NAV3: variants seen among roughly 807,000 people sequenced by gnomAD.
The protein encoded by NAV3 is pore membrane and/or filament interacting like protein 1.
A neutral mutation model predicts 244.7 loss-of-function variants in NAV3; 87 were observed. The observed-to-expected ratio is 0.36, with a 90% CI of 0.30 to 0.42. The LOEUF (loss-of-function observed/expected upper bound fraction) is 0.42. Among genes scored for constraint, NAV3 ranks in the 20% least tolerant of loss-of-function variants. NAV3 has a pLI of 1.00. For synonymous variants in NAV3, 1,126 were observed against 1,042.2 expected (o/e 1.08, Z -1.55); for missense variants, 2,663 against 2,893.3 (o/e 0.92, Z 1.83).
intron 2 of NAV3, among the ~76,000 whole-genome samples, chr12:77,662,414 A>G (rs1873502997): frequency 6.6e-6 from 1 of 152,046 alleles, no homozygotes; most frequent in African/African-American, 2.4e-5. Context: ...GATTATTCAA[A>G]GTATATAGAA....
At chr12:77,808,252 A>G (rs932625833) in intron 2 of NAV3, among the ~76,000 whole-genome samples, 26 of 152,072 alleles carry the variant, frequency 1.7e-4, no homozygotes, top group African/African-American at 5.8e-4. Flanking sequence ...GAGGAGAAGA[A>G]GCGTTCTGGT....
chr12:77,699,155 T>A (rs2137194770), intron 2 of NAV3, among the ~76,000 whole-genome samples: 1 of 152,234 alleles, frequency 6.6e-6, no homozygotes, highest in East Asian at 1.9e-4. Flanking sequence ...CCTAAGAATC[T>A]TGCAGGACAT....
chr12:77,755,451 T>C (rs1042605487), intron 2 of NAV3, among the ~76,000 whole-genome samples: 1 of 151,924 alleles, frequency 6.6e-6, no homozygotes, highest in African/African-American at 2.4e-5. Flanking sequence ...TTTCTTTTCT[T>C]TTCTTTTTTC....
intron 2 of NAV3, among the ~76,000 whole-genome samples, chr12:77,715,625 G>A (rs1876324846): frequency 6.6e-6 from 1 of 151,912 alleles, no homozygotes; most frequent in Non-Finnish European, 1.5e-5. Flanking sequence ...ACTGTTTTTA[G>A]ATATATTAAA....
intron 18 of NAV3, among the ~76,000 whole-genome samples, chr12:78,132,414 A>T (rs1956203799): frequency 6.6e-6 from 1 of 152,086 alleles, no homozygotes; most frequent in Non-Finnish European, 1.5e-5. Flanking sequence ...TATATCAGAG[A>T]TCTCTCAGCT....
intron 5 of NAV3, among the ~76,000 whole-genome samples, chr12:77,978,086 T>C (rs1327626292): frequency 6.6e-6 from 1 of 152,192 alleles, no homozygotes; most frequent in Non-Finnish European, 1.5e-5. Context: ...TCAGTTAAAC[T>C]TGATTTTCTA....
chr12:78,148,469 AAT>A (rs1351115385), intron 21 of NAV3, among the ~76,000 whole-genome samples: 5 of 152,118 alleles, frequency 3.3e-5, no homozygotes, highest in Non-Finnish European at 7.4e-5. Flanking sequence ...GAACAAGAAA[AAT>A]ATGTGTGTAT....
chr12:77,934,406 TAA>T (rs879692691), intron 1 of NAV3, among the ~76,000 whole-genome samples: 2 of 150,522 alleles, frequency 1.3e-5, no homozygotes, highest in Non-Finnish European at 3.0e-5. Flanking sequence ...TGGGAAATTA[TAA>T]AAAAAAAGTA....
intron 2 of NAV3, among the ~76,000 whole-genome samples, chr12:77,753,606 A>C (rs2135808123): frequency 6.6e-6 from 1 of 152,326 alleles, no homozygotes; most frequent in South Asian, 2.1e-4. Flanking sequence ...TGATAGCATT[A>C]AAAATGAGGT....
intron 2 of NAV3, among the ~76,000 whole-genome samples, chr12:77,691,327 G>GTATATATATATA (rs1565774001): frequency 1.6e-3 from 16 of 10,076 alleles, no homozygotes; most frequent in East Asian, 0.021. Flanking sequence ...ATAAGTATTT[G>GTATATATATATA]TGTATGTGTG....
intron 39 of NAV3, 144 bp from the exon 40 acceptor site, chr12:78,210,254 C>A (rs1238455950): frequency 6.3e-6 from 8 of 1,270,916 alleles, no homozygotes; most frequent in Non-Finnish European, 8.7e-6. Flanking sequence ...GAGCCAGGGG[C>A]AACGAGTAAA....
intron 19 of NAV3, 39 bp from the exon 20 acceptor site, chr12:78,140,243 T>G (rs977062990): frequency 1.3e-6 from 2 of 1,582,762 alleles, no homozygotes; most frequent in African/African-American, 1.3e-5. Flanking sequence ...TGAGTAGACC[T>G]TATTGTTTTA....
At chr12:77,987,581 G>T (rs1332884423) in intron 5 of NAV3, among the ~76,000 whole-genome samples, 4 of 152,022 alleles carry the variant, frequency 2.6e-5, no homozygotes. Context: ...ATTTGAAAAT[G>T]CCACCCAGTA....
chr12:77,741,146 G>GAAAAAAAAAAAAAAAAAAAAAAAAAA (rs1393220189), intron 2 of NAV3, among the ~76,000 whole-genome samples: 1 of 7,366 alleles, frequency 1.4e-4, no homozygotes, highest in African/African-American at 4.4e-4. Flanking sequence ...AAAAAAAAAA[G>GAAAAAAAAAAAAAAAAAAAAAAAAAA]ACAAAAAAAA....
intron 2 of NAV3, among the ~76,000 whole-genome samples, chr12:77,771,156 T>A (rs903795168): frequency 5.3e-5 from 8 of 151,992 alleles, no homozygotes; most frequent in East Asian, 3.9e-4. Context: ...AAAAAACACA[T>A]GAAAAAATGC....
intron 2 of NAV3, among the ~76,000 whole-genome samples, chr12:77,617,856 C>T (rs1871202012): frequency 6.6e-6 from 1 of 152,170 alleles, no homozygotes; most frequent in African/African-American, 2.4e-5. Context: ...GAAATAATAT[C>T]TCAAATGGAA....
At chr12:78,141,621 A>G (rs1048640714) in intron 20 of NAV3, among the ~76,000 whole-genome samples, 1 of 152,182 alleles carries the variant, frequency 6.6e-6, no homozygotes, top group African/African-American at 2.4e-5. Context: ...TCTGACTGTT[A>G]TTGGCAGAGG....
At chr12:77,845,133 G>A (rs889999522) in intron 1 of NAV3, among the ~76,000 whole-genome samples, 1 of 151,378 alleles carries the variant, frequency 6.6e-6, no homozygotes, top group African/African-American at 2.4e-5. Context: ...GTATATGTGT[G>A]TATATATATA....
Position 78,190,170 on chromosome 12 carries a change from A to C in NAV3, c.6242A>C (p.Lys2081Thr), listed in dbSNP as rs754734026. Residue 2081 changes from lysine (K) to threonine (T), a missense_variant, in exon 34 of 40, where the codon AAA becomes ACA. Physicochemically the swap from Lys to Thr is moderately conservative, Grantham distance 78. Coordinates refer to ENST00000397909, the MANE Select transcript of NAV3 (RefSeq NM_001024383.2). ...GTAATAACCAAATCTGGAAGGAAAA[A>C]AACAGAGGATGCAATTGCCACTTTT... ...EYVITKSGRK[K>T]TEDAIATFNV... 1 of 1,612,914 alleles carries C rather than the reference A, an allele frequency of 6.2e-7. No homozygotes were observed. Among genetic ancestry groups the C allele is most frequent in the South Asian group, 1.1e-5 (1 of 91,054 alleles).
Sources: allele counts gnomAD v4.1 joint callset (sites outside exome capture counted in the v4.1 genomes callset), GRCh38; gene constraint gnomAD v4.1.1; transcripts MANE v1.5; gene names NCBI Gene and HGNC (gene_info 2026-07-23, HGNC 2026-07-21).